CLUAP1: variants seen among roughly 807,000 people sequenced by gnomAD.
CLUAP1 encodes the protein clusterin-associated protein 1.
A neutral mutation model predicts 55.0 loss-of-function variants in CLUAP1; 50 were observed. The ratio of observed to expected loss-of-function variants is 0.91; its 90% CI spans 0.72 to 1.15. The LOEUF (loss-of-function observed/expected upper bound fraction) is 1.15, where lower values mean the gene tolerates loss of function less well. CLUAP1 is among the 50% of genes most tolerant of loss of function. The pLI is 0.00. For synonymous variants in CLUAP1, 195 were observed against 175.4 expected (o/e 1.11, Z -0.88); for missense variants, 530 against 507.6 (o/e 1.04, Z -0.42).
At chr16:3,529,489 A>AT (rs1486528417) in intron 9 of CLUAP1, among the ~76,000 whole-genome samples, 3 of 67,444 alleles carry the variant, frequency 4.4e-5, no homozygotes, top group South Asian at 7.7e-4. Context: ...ATATTATATA[A>AT]TTATATTATA....
rs59492947 is a variant in CLUAP1, at chr16:3,508,283, A to T, written c.220-6A>T. 0.022 allele frequency: 35,654 copies of T among 1,586,264 alleles called. 826 individuals carry two copies. Among genetic ancestry groups the T allele is most frequent in the African/African-American group, 0.1 (7,613 of 72,670 alleles). On this transcript the variant is annotated splice_polypyrimidine_tract_variant and splice_region_variant and intron_variant, in intron 3 of 11. Coordinates refer to ENST00000576634, the MANE Select transcript of CLUAP1 (RefSeq NM_015041.3). ...TCAACTTTTTTTTTTTTTGGTCTAAAAATAGGCCACCAAGGCACATATAAA... is the reference window on the plus strand; with the variant it reads ...TCAACTTTTTTTTTTTTTGGTCTAATAATAGGCCACCAAGGCACATATAAA...
intron 7 of CLUAP1, among the ~76,000 whole-genome samples, chr16:3,520,877 G>A (rs567883216): frequency 1.0e-3 from 153 of 151,690 alleles, no homozygotes; most frequent in African/African-American, 3.3e-3. Flanking sequence ...CTCGTTCTGT[G>A]CCTCTTTCCC....
At chr16:3,507,203 A>T (rs1031464582) in intron 3 of CLUAP1, among the ~76,000 whole-genome samples, 11 of 151,822 alleles carry the variant, frequency 7.2e-5, no homozygotes, top group Admixed American at 1.3e-4. Flanking sequence ...CTTAAAAAAA[A>T]AAAAAAAGAA....
intron 10 of CLUAP1, among the ~76,000 whole-genome samples, chr16:3,532,145 C>T (rs1317776572): frequency 1.3e-5 from 2 of 152,064 alleles, no homozygotes; most frequent in Non-Finnish European, 2.9e-5. Context: ...GGCCTGCCCC[C>T]TACTTTTTAA....
rs1372445800 is a variant in CLUAP1, at chr16:3,538,009, A to AT, written c.*1738_*1739insT. The stretch of plus-strand genomic sequence containing the variant: ...GTGAGACTCCATCTCAAAAAAAAAA[A>AT]AAAAAAAAAAAGCATACAGTAAATA... On this transcript the variant is annotated 3_prime_UTR_variant, in exon 12 of 12. Coordinates refer to ENST00000576634, the MANE Select transcript of CLUAP1 (RefSeq NM_015041.3). The AT allele has an allele frequency of 6.6e-6, 1 of 150,792 alleles. No individual in the cohort carries two copies. Among genetic ancestry groups the AT allele is most frequent in the African/African-American group, 2.5e-5 (1 of 40,800 alleles). The allele number at this position is 150,792 out of a possible 1,614,324, so 9.3% of individuals were successfully genotyped here.
At chr16:3,504,202 C>G (rs1313399891) in intron 1 of CLUAP1, among the ~76,000 whole-genome samples, 1 of 152,094 alleles carries the variant, frequency 6.6e-6, no homozygotes, top group African/African-American at 2.4e-5. Flanking sequence ...GGCGACTGAT[C>G]TTTAAAACTT....
chr16:3,518,017 T>C (rs1454773143), intron 6 of CLUAP1, among the ~76,000 whole-genome samples: 2 of 152,184 alleles, frequency 1.3e-5, no homozygotes, highest in East Asian at 3.9e-4. Flanking sequence ...ACGGTGGTAG[T>C]GTGTTAGTGC....
chr16:3,525,411 T>C (rs1036937819), intron 8 of CLUAP1, among the ~76,000 whole-genome samples: 1 of 152,142 alleles, frequency 6.6e-6, no homozygotes, highest in Non-Finnish European at 1.5e-5. Flanking sequence ...CTTTTTCTCT[T>C]ACTCACTCTC....
chr16:3,524,534 T>C (rs1040990706), intron 8 of CLUAP1, among the ~76,000 whole-genome samples: 1 of 143,760 alleles, frequency 7.0e-6, no homozygotes, highest in African/African-American at 2.6e-5. Flanking sequence ...GAGGCAGAGG[T>C]TGCAGTGAGC....
At chr16:3,513,519 G>A (rs143247975) in intron 5 of CLUAP1, among the ~76,000 whole-genome samples, 1,935 of 151,944 alleles carry the variant, frequency 0.013, 47 homozygotes, top group African/African-American at 0.044. Flanking sequence ...GCTCAATCTC[G>A]GCTCACTAAA....
At chr16:3,523,336 TG>T in intron 8 of CLUAP1, 37 bp downstream of exon 8, 1 of 1,579,790 alleles carries the variant, frequency 6.3e-7, no homozygotes, top group South Asian at 1.2e-5. Context: ...CCATTCCTTC[TG>T]GTGTGTTATT....
chr16:3,529,475 TTATATATTATATAATTATATTATATTA>T (rs1274901211), intron 9 of CLUAP1, among the ~76,000 whole-genome samples: 4 of 79,970 alleles, frequency 5.0e-5, no homozygotes, highest in Non-Finnish European at 8.9e-5. Flanking sequence ...ATATATTATA[TTATATATTATATAATTATATTATATTA>T]TATATATTAT....
At chr16:3,504,570 C>T in intron 1 of CLUAP1, 150 bp from the exon 2 acceptor site, 8 of 567,804 alleles carry the variant, frequency 1.4e-5, no homozygotes, top group Non-Finnish European at 2.3e-5. Flanking sequence ...ATTTTATCTC[C>T]TTTTTGCTTT....
upstream of CLUAP1, chr16:3,496,573 C>G (rs1431160372): frequency 1.9e-6 from 1 of 539,370 alleles, no homozygotes; most frequent in Non-Finnish European, 3.7e-6. Context: ...TCCTGACTTT[C>G]GATCAGCTGG....
rs1190645363 is a variant in CLUAP1 at position 3,529,812 on chromosome 16, ATT to A, written c.929-755_929-754del. On this transcript the variant is annotated intron_variant, in intron 9 of 11. Coordinates refer to ENST00000576634, the MANE Select transcript of CLUAP1 (RefSeq NM_015041.3). Reference sequence around the variant, plus strand: ...ATATATATTATATTATTATATATATATTATAATATAATATATTATATAATATA... The same window carrying A: ...ATATATATTATATTATTATATATATAATAATATAATATATTATATAATATA... 7.5e-4 allele frequency among the ~76,000 whole-genome samples: 52 copies of A among 69,510 alleles called. 3 individuals carry two copies. Among genetic ancestry groups the A allele is most frequent in the African/African-American group, 3.3e-3 (48 of 14,588 alleles). The allele number at this position is 69,510 out of a possible 152,430, so 45.6% of individuals were successfully genotyped here. A position where few individuals can be genotyped will look rare whatever the true frequency, so the allele number is the denominator to read the frequency against.
At position 3,506,503 on chromosome 16, in the gene CLUAP1, T is replaced by C. The variant is rs915237972; in HGVS notation, c.219+88T>C. The C allele has an allele frequency of 4.3e-5, 45 of 1,055,534 alleles. 1 individual carries two copies. The highest frequency in any genetic ancestry group is 5.7e-5 in the Non-Finnish European group (39 of 683,132). 65.4% of individuals were successfully genotyped at this position (1,055,534 alleles called of 1,614,324 possible). A position where few individuals can be genotyped will look rare whatever the true frequency, so the allele number is the denominator to read the frequency against. Reference sequence around the variant, plus strand: ...TTAGGGCGACTTTCAAACTGTGTAATTGAGTTTTTCTTTCTTTTTTTTTGA... The same window carrying C: ...TTAGGGCGACTTTCAAACTGTGTAACTGAGTTTTTCTTTCTTTTTTTTTGA... On this transcript the variant is annotated intron_variant, in intron 3 of 11. Transcript: ENST00000576634.
intron 8 of CLUAP1, among the ~76,000 whole-genome samples, chr16:3,526,074 G>A (rs2037935692): frequency 6.6e-6 from 1 of 152,130 alleles, no homozygotes; most frequent in Admixed American, 6.6e-5. Flanking sequence ...AAAATTAGAT[G>A]TGTCTGTTCT....
intron 10 of CLUAP1, among the ~76,000 whole-genome samples, 171 bp from the exon 11 acceptor site, chr16:3,532,615 A>G (rs978686152): frequency 6.8e-6 from 1 of 147,468 alleles, no homozygotes; most frequent in Non-Finnish European, 1.5e-5. Flanking sequence ...ATGAGGTTTC[A>G]TTATGTTGCC....
intron 6 of CLUAP1, among the ~76,000 whole-genome samples, chr16:3,517,266 T>C (rs1477965761): frequency 6.6e-6 from 1 of 151,890 alleles, no homozygotes; most frequent in Non-Finnish European, 1.5e-5. Context: ...CGCACACCAC[T>C]ACACCCAGCT....
Sources: gnomAD v4.1 joint callset for allele counts (sites outside exome capture counted in the v4.1 genomes callset) on GRCh38, gnomAD v4.1.1 for gene constraint, MANE v1.5 for transcripts, NCBI Gene and HGNC (gene_info 2026-07-23, HGNC 2026-07-21) for gene names.